The following EIF3H variants were observed in gnomAD, a reference collection of about 807,000 sequenced individuals.
The protein encoded by EIF3H is eIF-3-gamma.
In EIF3H, 26 loss-of-function variants were observed where a neutral mutation model predicts 44.2. The observed-to-expected ratio is 0.59, with a 90% CI of 0.43 to 0.82. The LOEUF (loss-of-function observed/expected upper bound fraction) is 0.82, where lower values mean the gene tolerates loss of function less well. EIF3H is among the 40% of genes least tolerant of loss of function. The pLI, the probability that EIF3H is intolerant of heterozygous loss-of-function variation, is 0.00. For missense variants in EIF3H, 359 were observed against 432.8 expected (o/e 0.83, Z 1.51); for synonymous variants, 166 against 151.9 (o/e 1.09, Z -0.68).
upstream of EIF3H, among the ~76,000 whole-genome samples, chr8:116,756,799 T>G (rs567147882): frequency 1.3e-5 from 2 of 152,330 alleles, no homozygotes; most frequent in East Asian, 3.9e-4. Flanking sequence ...TATGAAATAT[T>G]TATTAAAATA....
At chr8:116,654,826 C>A (rs892196011) in intron 5 of EIF3H, among the ~76,000 whole-genome samples, 2 of 152,014 alleles carry the variant, frequency 1.3e-5, no homozygotes, top group African/African-American at 2.4e-5. Flanking sequence ...CGTGCCAGAG[C>A]ATAGAGAAGA....
intron 2 of EIF3H, among the ~76,000 whole-genome samples, chr8:116,680,980 A>C (rs1281050956): frequency 2.0e-5 from 3 of 152,026 alleles, no homozygotes; most frequent in African/African-American, 7.3e-5. Context: ...AATTAAAAAA[A>C]AAAAAGAGTT....
chr8:116,721,125 A>G (rs1030653250), intron 2 of EIF3H, among the ~76,000 whole-genome samples: 5 of 152,096 alleles, frequency 3.3e-5, no homozygotes, highest in Non-Finnish European at 5.9e-5. Context: ...GCCTAGGAGG[A>G]AAAAATGGTT....
chr8:116,666,830 T>C (rs1409051125), intron 2 of EIF3H, among the ~76,000 whole-genome samples: 1 of 147,792 alleles, frequency 6.8e-6, no homozygotes, highest in Non-Finnish European at 1.5e-5. Context: ...CTTGTCATAT[T>C]TCCAGGTATT....
chr8:116,761,209 T>G (rs1317252844), intron 1 of EIF3H, among the ~76,000 whole-genome samples: 1 of 152,226 alleles, frequency 6.6e-6, no homozygotes, highest in African/African-American at 2.4e-5. Flanking sequence ...TGGAGAGCAC[T>G]ATTTAAATCT....
At chr8:116,689,563 A>T (rs999125385) in intron 2 of EIF3H, among the ~76,000 whole-genome samples, 2 of 152,226 alleles carry the variant, frequency 1.3e-5, no homozygotes, top group Non-Finnish European at 2.9e-5. Context: ...GTATATAAAA[A>T]GCATCCATGA....
intron 1 of EIF3H, among the ~76,000 whole-genome samples, chr8:116,743,380 G>C (rs540031203): frequency 6.6e-6 from 1 of 152,302 alleles, no homozygotes; most frequent in Non-Finnish European, 1.5e-5. Context: ...AAGCCCAGGA[G>C]TGGGAAGCTG....
intron 2 of EIF3H, among the ~76,000 whole-genome samples, chr8:116,720,166 T>C (rs375507914): frequency 6.6e-6 from 1 of 152,334 alleles, no homozygotes; most frequent in East Asian, 1.9e-4. Context: ...TTTTTATTAT[T>C]TAATGCTAAA....
chr8:116,716,221 A>C (rs1376036945), intron 2 of EIF3H, among the ~76,000 whole-genome samples: 3 of 152,126 alleles, frequency 2.0e-5, no homozygotes, highest in African/African-American at 4.8e-5. Context: ...AAATTGGTTC[A>C]GAAGTTATTC....
chr8:116,764,887 G>T (rs1815553296), intron 1 of EIF3H, among the ~76,000 whole-genome samples: 1 of 152,112 alleles, frequency 6.6e-6, no homozygotes, highest in Non-Finnish European at 1.5e-5. Context: ...TAAAGATAGG[G>T]TGCAAACTGG....
At chr8:116,673,967 G>C (rs1813800791) in intron 2 of EIF3H, among the ~76,000 whole-genome samples, 1 of 151,054 alleles carries the variant, frequency 6.6e-6, no homozygotes, top group Admixed American at 6.6e-5. Context: ...CTACCCGGGA[G>C]GCTGAGGCAG....
chr8:116,762,339 T>C (rs1815525898), intron 1 of EIF3H, among the ~76,000 whole-genome samples: 1 of 152,228 alleles, frequency 6.6e-6, no homozygotes, highest in Non-Finnish European at 1.5e-5. Context: ...AGAAAGTCTA[T>C]GTTTGGAAAG....
At chr8:116,731,029 G>A (rs567237402) in intron 1 of EIF3H, among the ~76,000 whole-genome samples, 4 of 152,304 alleles carry the variant, frequency 2.6e-5, no homozygotes, top group African/African-American at 9.6e-5. Context: ...ATACCAAACT[G>A]AGTGCACCAA....
chr8:116,740,826 C>A (rs570717984), intron 1 of EIF3H, among the ~76,000 whole-genome samples: 34 of 152,212 alleles, frequency 2.2e-4, no homozygotes, highest in Admixed American at 1.8e-3. Context: ...GAACCAGAAT[C>A]CAAAACAAAG....
intron 2 of EIF3H, among the ~76,000 whole-genome samples, chr8:116,698,699 T>C (rs1230180524): frequency 6.6e-6 from 1 of 152,222 alleles, no homozygotes; most frequent in Non-Finnish European, 1.5e-5. Context: ...ATAGCCTCTA[T>C]TTCAAAACCT....
chr8:116,661,316 CAT>C (rs1008975280), intron 2 of EIF3H, among the ~76,000 whole-genome samples: 4 of 152,178 alleles, frequency 2.6e-5, no homozygotes, highest in African/African-American at 9.7e-5. Flanking sequence ...TTTTAAAAAA[CAT>C]TATTTTTAAA....
Position 116,737,289 on chromosome 8 carries a change from T to C in EIF3H, c.133-11117A>G, listed in dbSNP as rs1384119555. ...ATCTACGTACTTGAAGGCATTTCCC[T>C]GGGGAAGAAAAAAAAAAGACTTTGT... is the stretch of plus-strand genomic sequence containing the variant. On this transcript the variant is annotated intron_variant, in intron 1 of 7. Coordinates refer to ENST00000521861, the MANE Select transcript of EIF3H (RefSeq NM_003756.3). 11 of 433,410 alleles carry C rather than the reference T, an allele frequency of 2.5e-5. No homozygotes were observed. The East Asian group carries it at 4.9e-4, about 19-fold the overall frequency. 26.8% of individuals were successfully genotyped at this position (433,410 alleles called of 1,614,324 possible).
Position 116,657,331 on chromosome 8 carries a change from G to C in EIF3H, c.458-17C>G, listed in dbSNP as rs377622064. ...TTATGGGATCTCAAACAAGGAAAGAGAAATAAATTACTAAGAATTTTGTCA... is the reference window on the plus strand; with the variant it reads ...TTATGGGATCTCAAACAAGGAAAGACAAATAAATTACTAAGAATTTTGTCA... On this transcript the variant is annotated splice_polypyrimidine_tract_variant and intron_variant, in intron 3 of 7. Coordinates refer to ENST00000521861, the MANE Select transcript of EIF3H (RefSeq NM_003756.3). The C allele has an allele frequency of 6.3e-7, 1 of 1,587,624 alleles. No individual in the cohort carries two copies. The highest frequency in any genetic ancestry group is 2.2e-5 in the East Asian group (1 of 44,666).
At chr8:116,765,941 A>C (rs892484828) in exon 1 of EIF3H, 6 of 152,220 alleles carry the variant, frequency 3.9e-5, no homozygotes, top group Admixed American at 3.9e-4. Context: ...ATGGTTCCTG[A>C]GTGACGTTAG....
Sources: allele counts gnomAD v4.1 joint callset (sites outside exome capture counted in the v4.1 genomes callset), GRCh38; gene constraint gnomAD v4.1.1; transcripts MANE v1.5; gene names NCBI Gene and HGNC (gene_info 2026-07-23, HGNC 2026-07-21).